RFX2: variants seen among roughly 807,000 people sequenced by gnomAD.
RFX2 encodes the protein regulatory factor X2.
In RFX2, 20 loss-of-function variants were observed where a neutral mutation model predicts 87.8. That is an observed-to-expected ratio of 0.23 (90% CI 0.16 to 0.33). The LOEUF is 0.33. RFX2 is among the 10% of genes least tolerant of loss of function. The pLI is 1.00. For synonymous variants in RFX2, 397 were observed against 431.3 expected (o/e 0.92, Z 0.98); for missense variants, 767 against 1,012.3 (o/e 0.76, Z 3.29).
rs577139 is a variant in RFX2, at chr19:6,022,514, C to T, written c.597+3649G>A. On this transcript the variant is annotated intron_variant, in intron 6 of 17. Coordinates refer to ENST00000303657, the MANE Select transcript of RFX2 (RefSeq NM_000635.4). The surrounding 1 kb of genome is among the most constrained non-coding windows in gnomAD (Gnocchi z 6.2). ...GGTGAACCTGCTACGGGGTCCCGGTCGGCTGGTAGCCTGAGGGCAGCCCGG... is the reference window on the plus strand; with the variant it reads ...GGTGAACCTGCTACGGGGTCCCGGTTGGCTGGTAGCCTGAGGGCAGCCCGG... Among the ~76,000 whole-genome samples, 9 of 152,202 alleles carry T rather than the reference C, an allele frequency of 5.9e-5. No homozygotes were observed. The highest frequency in any genetic ancestry group is 1.2e-4 in the Non-Finnish European group (8 of 68,032).
chr19:6,029,520 C>T (rs1322573658), intron 5 of RFX2, among the ~76,000 whole-genome samples: 1 of 152,080 alleles, frequency 6.6e-6, no homozygotes, highest in Non-Finnish European at 1.5e-5. Flanking sequence ...ACCAGCCTGG[C>T]CAACATGGTG....
intron 1 of RFX2, among the ~76,000 whole-genome samples, chr19:6,108,322 G>A (rs1008711514): frequency 2.6e-5 from 4 of 152,184 alleles, no homozygotes; most frequent in African/African-American, 9.7e-5. Context: ...GTCAGTTCAA[G>A]TCTTTAAACT....
At chr19:6,098,123 TCATA>T (rs2088056674) in intron 1 of RFX2, among the ~76,000 whole-genome samples, 1 of 152,140 alleles carries the variant, frequency 6.6e-6, no homozygotes, top group Non-Finnish European at 1.5e-5. Flanking sequence ...ATAAATGACG[TCATA>T]CATGATTTTA....
intron 6 of RFX2, among the ~76,000 whole-genome samples, chr19:6,025,177 G>A (rs1235169944): frequency 1.3e-5 from 2 of 152,154 alleles, no homozygotes; most frequent in Non-Finnish European, 2.9e-5. Flanking sequence ...AGAAGTGAAA[G>A]CGATGAGTCT....
intron 16 of RFX2, 98 bp downstream of exon 16, chr19:5,996,962 G>A: frequency 7.7e-7 from 1 of 1,292,886 alleles, no homozygotes; most frequent in Non-Finnish European, 1.1e-6. Context: ...AGAGCAGTGG[G>A]ACCTGCGAGT....
chr19:6,003,829 G>C (rs2086532853), intron 13 of RFX2, among the ~76,000 whole-genome samples: 1 of 150,024 alleles, frequency 6.7e-6, no homozygotes, highest in Admixed American at 6.7e-5. Context: ...TGAGAACGGT[G>C]GGTAATCACT....
chr19:6,107,352 T>C (rs1016494715), intron 1 of RFX2, among the ~76,000 whole-genome samples: 8 of 145,838 alleles, frequency 5.5e-5, no homozygotes, highest in Non-Finnish European at 1.2e-4. Context: ...TTTGGTGGCT[T>C]ACGCCTGTAA....
intron 1 of RFX2, chr19:6,072,951 T>C (rs747242985): frequency 5.5e-6 from 4 of 732,196 alleles, no homozygotes; most frequent in South Asian, 1.4e-5. Context: ...GTATTGACAA[T>C]AGGGTTTGCA....
chr19:6,109,917 G>A (rs1464033724), intron 1 of RFX2, among the ~76,000 whole-genome samples: 1 of 150,802 alleles, frequency 6.6e-6, no homozygotes, highest in Admixed American at 6.6e-5. Context: ...GGGTCCCCTG[G>A]CGCCCCCAAT....
rs2086688996 is a variant in RFX2 at position 6,013,695 on chromosome 19, T to A, written c.780-590A>T. ...CAACACACTCGGATGGTAGAAGTGA[T>A]CCTCCTGCTGCAGCCTCTGAGTAGC... is the stretch of plus-strand genomic sequence containing the variant. On this transcript the variant is annotated intron_variant, in intron 7 of 17. Transcript: ENST00000303657. The surrounding 1 kb of genome is among the most constrained non-coding windows in gnomAD (Gnocchi z 4.1). Among the ~76,000 whole-genome samples the A allele has an allele frequency of 6.6e-6, 1 of 152,156 alleles. No homozygotes were observed. Among genetic ancestry groups the A allele is most frequent in the Admixed American group, 6.5e-5 (1 of 15,274 alleles).
chr19:6,031,261 T>C (rs2086949364), intron 5 of RFX2, among the ~76,000 whole-genome samples: 1 of 152,138 alleles, frequency 6.6e-6, no homozygotes, highest in Non-Finnish European at 1.5e-5. Flanking sequence ...AGGCTTTTCT[T>C]GGAGGTGGTC....
rs11340459 is a variant in RFX2 at position 6,086,091 on chromosome 19, C to CA, written c.-9+24301dup. On this transcript the variant is annotated intron_variant, in intron 1 of 17. Coordinates refer to ENST00000303657, the MANE Select transcript of RFX2 (RefSeq NM_000635.4). ...TGGGTGATAGAACAAGATCCTGTCT[C>CA]AAAAAAAAAAAAAAAAAAAAAAAGG... 3.0e-3 allele frequency among the ~76,000 whole-genome samples: 179 copies of CA among 59,208 alleles called. 1 individual carries two copies. The highest frequency in any genetic ancestry group is 7.4e-3 in the East Asian group (16 of 2,174). 38.8% of individuals were successfully genotyped at this position (59,208 alleles called of 152,430 possible).
intron 1 of RFX2, among the ~76,000 whole-genome samples, chr19:6,090,265 C>G (rs1289023831): frequency 6.6e-6 from 1 of 151,688 alleles, no homozygotes; most frequent in East Asian, 1.9e-4. Flanking sequence ...ACCATGCCAG[C>G]CCAGATAACA....
intron 1 of RFX2, among the ~76,000 whole-genome samples, chr19:6,055,995 T>TA (rs140407047): frequency 0.021 from 2,994 of 145,780 alleles, 97 homozygotes; most frequent in African/African-American, 0.07. Context: ...AAACTAAAGT[T>TA]AAAAAAAAAT....
rs1013725444 is a variant in RFX2, at chr19:6,016,073, G to A, written c.779+17C>T. 7.0e-6 allele frequency: 11 copies of A among 1,570,570 alleles called. No individual in the cohort carries two copies. The highest frequency in any genetic ancestry group is 9.5e-6 in the Non-Finnish European group (11 of 1,154,354). On this transcript the variant is annotated intron_variant, in intron 7 of 17. Transcript: ENST00000303657. The surrounding 1 kb of genome is among the most constrained non-coding windows in gnomAD (Gnocchi z 5.4). ...AAGGAAGAGGAAGAACAGGTGGGCTGGGGATCGTCTACCCACCTGGTGCCC... is the reference window on the plus strand; with the variant it reads ...AAGGAAGAGGAAGAACAGGTGGGCTAGGGATCGTCTACCCACCTGGTGCCC...
intron 1 of RFX2, among the ~76,000 whole-genome samples, chr19:6,059,153 A>G (rs1346719582): frequency 6.6e-6 from 1 of 151,870 alleles, no homozygotes; most frequent in Non-Finnish European, 1.5e-5. Context: ...CTAATTTTTA[A>G]TTTTTTGTAG....
At position 6,024,737 on chromosome 19, in the gene RFX2, G is replaced by A. The variant is rs1211279914; in HGVS notation, c.597+1426C>T. ...TCACAGTGAGGACGGGAGTGAGGAC[G>A]GGATCACGGTGAGGACGGGAGTGAG... On this transcript the variant is annotated intron_variant, in intron 6 of 17. Transcript: ENST00000303657. This position sits in a 1 kb window ranked among gnomAD's most constrained non-coding sequence, Gnocchi z 5.0. Among the ~76,000 whole-genome samples the A allele has an allele frequency of 2.6e-5, 4 of 151,058 alleles. No homozygotes were observed. The highest frequency in any genetic ancestry group is 4.2e-4 in the South Asian group (2 of 4,750).
rs986846356 is a variant in RFX2 at position 5,997,015 on chromosome 19, C to A, written c.2013+45G>T. ...CTCAGAGCACACCGCCCTCTCCCCA[C>A]AGGCCCGGCCAAGCCCCGGCCGTCC... is the stretch of plus-strand genomic sequence containing the variant. On this transcript the variant is annotated intron_variant, in intron 16 of 17. Coordinates refer to ENST00000303657, the MANE Select transcript of RFX2 (RefSeq NM_000635.4). The surrounding 1 kb of genome is among the most constrained non-coding windows in gnomAD (Gnocchi z 4.2). 2.5e-6 allele frequency: 4 copies of A among 1,572,818 alleles called. No individual in the cohort carries two copies. The African/African-American group carries it at 4.0e-5, about 16-fold the overall frequency.
intron 12 of RFX2, among the ~76,000 whole-genome samples, chr19:6,006,290 C>T (rs539604684): frequency 4.0e-5 from 6 of 151,824 alleles, no homozygotes; most frequent in East Asian, 2.0e-4. Flanking sequence ...CCTCCTGGGT[C>T]GCTGGACTGC....
Sources: gnomAD v4.1 joint callset for allele counts (sites outside exome capture counted in the v4.1 genomes callset) on GRCh38, gnomAD v4.1.1 for gene constraint, Gnocchi (gnomAD v3.1) non-coding constraint, MANE v1.5 for transcripts, NCBI Gene and HGNC (gene_info 2026-07-23, HGNC 2026-07-21) for gene names.